COPE: variants seen among roughly 807,000 people sequenced by gnomAD.
COPE encodes coat protein complex I subunit epsilon, also known as coatomer subunit epsilon.
COPE carries 19 observed loss-of-function variants against 42.1 expected under a neutral mutation model. The ratio of observed to expected loss-of-function variants is 0.45; its 90% CI spans 0.31 to 0.66. The LOEUF (loss-of-function observed/expected upper bound fraction) is 0.66. COPE is among the 30% of genes least tolerant of loss of function. COPE has a pLI of 0.05. For synonymous variants in COPE, 195 were observed against 181.3 expected, an observed-to-expected ratio of 1.08 and a Z score of -0.60; for missense variants, 402 against 416.1, an observed-to-expected ratio of 0.97 and a Z score of 0.30.
chr19:18,908,753 G>A (rs1210600232), intron 3 of COPE, among the ~76,000 whole-genome samples: 1 of 151,800 alleles, frequency 6.6e-6, no homozygotes, highest in Non-Finnish European at 1.5e-5. Flanking sequence ...TCCTGACCTC[G>A]TGATCCGCCC....
intron 3 of COPE, chr19:18,910,693 G>A (rs2056801296): frequency 4.0e-6 from 2 of 495,296 alleles, no homozygotes; most frequent in Non-Finnish European, 7.4e-6. Context: ...GATATTTTCA[G>A]TTCTAGGTTC....
intron 2 of COPE, 132 bp downstream of exon 2, chr19:18,912,852 C>T (rs2056822887): frequency 1.2e-6 from 1 of 806,132 alleles, no homozygotes; most frequent in Non-Finnish European, 2.0e-6. Flanking sequence ...TGTTCACAGT[C>T]ACTGAACACT....
At chr19:18,917,776 A>C (rs1236739877) in intron 1 of COPE, among the ~76,000 whole-genome samples, 1 of 152,118 alleles carries the variant, frequency 6.6e-6, no homozygotes, top group Admixed American at 6.6e-5. Flanking sequence ...GCCAAACTTC[A>C]CCTTCATACA....
At chr19:18,909,755 T>C (rs2056793535) in intron 3 of COPE, among the ~76,000 whole-genome samples, 2 of 152,070 alleles carry the variant, frequency 1.3e-5, no homozygotes, top group South Asian at 2.1e-4. Flanking sequence ...TCAGGTGATC[T>C]GCCCACCTCG....
chr19:18,907,370 C>T (rs762357115), intron 3 of COPE, among the ~76,000 whole-genome samples: 3 of 152,146 alleles, frequency 2.0e-5, no homozygotes, highest in Non-Finnish European at 2.9e-5. Context: ...GAGGAGGCAC[C>T]GTCAGTCTCA....
Position 18,905,796 on chromosome 19 carries a change from C to T in COPE, c.444-167G>A, listed in dbSNP as rs528405283. The T allele has an allele frequency of 4.8e-6, 3 of 629,118 alleles. No homozygotes were observed. The South Asian group carries it at 6.3e-5, about 13-fold the overall frequency. The allele number at this position is 629,118 out of a possible 1,614,324, so 39.0% of individuals were successfully genotyped here. A position where few individuals can be genotyped will look rare whatever the true frequency, so the allele number is the denominator to read the frequency against. On this transcript the variant is annotated intron_variant, in intron 4 of 9. Transcript: ENST00000262812. ...ACACCCTCACTCCCACATTTCACCG[C>T]TCAGCTTCCTCAGGCCCAGGAGCTC...
In COPE at chr19:18,905,594, T is replaced by G; in HGVS notation, c.479A>C (p.Asp160Ala). 1 of 1,592,852 alleles carries G rather than the reference T, an allele frequency of 6.3e-7. No homozygotes were observed. Among genetic ancestry groups the G allele is most frequent in the Non-Finnish European group, 8.5e-7 (1 of 1,177,304 alleles). Residue 160 changes from aspartate (D) to alanine (A), a missense_variant, in exon 5 of 10, where the codon GAC becomes GCC. Transcript: ENST00000262812. ...AMTVQILLKL[D>A]RLDLARKELK... is the part of the protein sequence containing the mutation. ...GGCTCACCGGGCGAGGTCCAGGCGG[T>G]CCAGCTTCAGCAGGATCTGCACTGT...
chr19:18,901,028 G>A (rs762243309), intron 7 of COPE, among the ~76,000 whole-genome samples: 8 of 152,216 alleles, frequency 5.3e-5, no homozygotes, highest in Non-Finnish European at 1.0e-4. Context: ...TTTGCAGACC[G>A]GACTTTTCTG....
chr19:18,904,178 T>C (rs1223812785), intron 6 of COPE, among the ~76,000 whole-genome samples: 1 of 152,244 alleles, frequency 6.6e-6, no homozygotes, highest in East Asian at 1.9e-4. Flanking sequence ...TTGGTCAGGC[T>C]GGTCTAGAAC....
chr19:18,915,481 G>A (rs1388418607), intron 1 of COPE, among the ~76,000 whole-genome samples: 4 of 152,206 alleles, frequency 2.6e-5, no homozygotes, highest in Admixed American at 6.5e-5. Flanking sequence ...TTCCAGGGAC[G>A]ATCCTACCAT....
chr19:18,918,755 G>A (rs984829857), intron 1 of COPE, among the ~76,000 whole-genome samples: 1 of 152,170 alleles, frequency 6.6e-6, no homozygotes, highest in Non-Finnish European at 1.5e-5. Context: ...TCTGAGTCCA[G>A]CGGAATACAG....
intron 7 of COPE, among the ~76,000 whole-genome samples, 180 bp from the exon 8 acceptor site, chr19:18,900,629 C>T (rs957097258): frequency 3.3e-5 from 5 of 152,144 alleles, no homozygotes; most frequent in South Asian, 2.1e-4. Context: ...AGGGGCCAGC[C>T]GCCTCGCTGA....
chr19:18,919,334 G>A lies in COPE; in HGVS notation c.15C>T (p.Ala5=), dbSNP rs765138435. The change falls in exon 1 of 10, where the codon GCC becomes GCT. Residue 5 remains alanine, a synonymous_variant. Coordinates refer to ENST00000262812, the MANE Select transcript of COPE (RefSeq NM_007263.4). MAPP[A]PGPASGGSGE... is the part of the protein sequence containing the mutation. ...CGGAGCCGCCGGAGGCCGGGCCGGG[G>A]GCCGGAGGCGCCATTTCGCTGTCTT... The A allele has an allele frequency of 1.2e-5, 19 of 1,613,692 alleles. No homozygotes were observed. Among genetic ancestry groups the A allele is most frequent in the Non-Finnish European group, 1.5e-5 (18 of 1,179,990 alleles).
At position 18,905,962 on chromosome 19, in the gene COPE, G is replaced by C. The variant is rs1052603135; in HGVS notation, c.444-333C>G. On this transcript the variant is annotated intron_variant, in intron 4 of 9. Coordinates refer to ENST00000262812, the MANE Select transcript of COPE (RefSeq NM_007263.4). ...TGGAGGCATCAACACTCAGGAACAA[G>C]GCCCTAGAGGAGGGCCACGCACCCG... 2.1e-5 allele frequency: 10 copies of C among 475,270 alleles called. 1 individual carries two copies. Among genetic ancestry groups the C allele is most frequent in the Admixed American group, 8.5e-5 (2 of 23,558 alleles). The allele number at this position is 475,270 out of a possible 1,614,324, so 29.4% of individuals were successfully genotyped here.
chr19:18,903,467 G>A (rs780214010), intron 6 of COPE, 44 bp from the exon 7 acceptor site: 16 of 1,555,640 alleles, frequency 1.0e-5, no homozygotes, highest in African/African-American at 1.4e-5. Context: ...CCTGCTGCCC[G>A]GCCCTTCCCC....
At chr19:18,916,334 CAG>C (rs1351815509) in intron 1 of COPE, among the ~76,000 whole-genome samples, 4 of 151,110 alleles carry the variant, frequency 2.6e-5, no homozygotes, top group Admixed American at 1.3e-4. Context: ...GCCTGGGTGA[CAG>C]AGTTAGACTC....
At chr19:18,900,293 A>G in intron 8 of COPE, 88 bp downstream of exon 8, 2 of 1,101,016 alleles carry the variant, frequency 1.8e-6, no homozygotes, top group Non-Finnish European at 2.6e-6. Context: ...GAGTTTTCCC[A>G]GGGGCCTAGG....
At chr19:18,904,931 G>T in intron 5 of COPE, 79 bp from the exon 6 acceptor site, 2 of 1,417,232 alleles carry the variant, frequency 1.4e-6, no homozygotes, top group South Asian at 1.2e-5. Flanking sequence ...CCCCACTTGG[G>T]GCCCACCGGA....
chr19:18,902,703 A>G, intron 7 of COPE, among the ~76,000 whole-genome samples: 1 of 62,214 alleles, frequency 1.6e-5, no homozygotes, highest in Non-Finnish European at 3.0e-5. Flanking sequence ...GAAGGAAAGG[A>G]AGGAAAGGAA....
Sources: allele counts gnomAD v4.1 joint callset (sites outside exome capture counted in the v4.1 genomes callset), GRCh38; gene constraint gnomAD v4.1.1; transcripts MANE v1.5; gene names NCBI Gene and HGNC (gene_info 2026-07-23, HGNC 2026-07-21).